The following TRPC6 variants were observed in gnomAD, a reference collection of about 807,000 sequenced individuals.
The protein encoded by TRPC6 is short transient receptor potential channel 6.
A neutral mutation model predicts 90.7 loss-of-function variants in TRPC6; 55 were observed. That is an observed-to-expected ratio of 0.61 (90% CI 0.49 to 0.76). The LOEUF is 0.76. TRPC6 is among the 30% of genes least tolerant of loss of function. The pLI is 0.00. For missense variants in TRPC6, 989 were observed against 1,122.7 expected, an observed-to-expected ratio of 0.88 and a Z score of 1.70; for synonymous variants, 393 against 393.0, an observed-to-expected ratio of 1.00 and a Z score of 0.00.
At chr11:101,517,310 A>C (rs1652303929) in intron 1 of TRPC6, among the ~76,000 whole-genome samples, 1 of 152,244 alleles carries the variant, frequency 6.6e-6, no homozygotes, top group Non-Finnish European at 1.5e-5. Context: ...AACATGAAAG[A>C]AAAGTTCTAT....
At chr11:101,482,887 G>T in intron 5 of TRPC6, 62 bp downstream of exon 5, 1 of 1,488,558 alleles carries the variant, frequency 6.7e-7, no homozygotes, top group Non-Finnish European at 9.4e-7. Context: ...GAAAGAATCA[G>T]TGTCATTCAG....
intron 1 of TRPC6, among the ~76,000 whole-genome samples, chr11:101,559,654 T>C (rs1861668509): frequency 6.6e-6 from 1 of 151,972 alleles, no homozygotes; most frequent in Non-Finnish European, 1.5e-5. Context: ...TTTATTATAC[T>C]TTAAGTTTTA....
intron 1 of TRPC6, among the ~76,000 whole-genome samples, chr11:101,538,360 G>A (rs2136813640): frequency 6.6e-6 from 1 of 152,162 alleles, no homozygotes. Flanking sequence ...CATAGTCCAG[G>A]GTAACTTTCT....
chr11:101,505,788 G>A (rs778051701), intron 1 of TRPC6, among the ~76,000 whole-genome samples: 3 of 152,118 alleles, frequency 2.0e-5, no homozygotes, highest in African/African-American at 7.2e-5. Context: ...GCCAAGGTGG[G>A]CGAATCACTT....
intron 1 of TRPC6, among the ~76,000 whole-genome samples, chr11:101,518,947 C>A (rs956208689): frequency 1.3e-5 from 2 of 152,114 alleles, no homozygotes; most frequent in African/African-American, 4.8e-5. Context: ...TACGGAAAGA[C>A]AAGCTTTGCA....
intron 1 of TRPC6, among the ~76,000 whole-genome samples, chr11:101,565,596 A>C (rs78898269): frequency 2.0e-5 from 3 of 152,196 alleles, no homozygotes; most frequent in Non-Finnish European, 4.4e-5. Context: ...TTCTCAAAAA[A>C]CAACTCTCTG....
At chr11:101,563,495 T>A (rs914670706) in intron 1 of TRPC6, among the ~76,000 whole-genome samples, 8 of 152,168 alleles carry the variant, frequency 5.3e-5, no homozygotes, top group Non-Finnish European at 1.0e-4. Context: ...TAGGAAAACA[T>A]TACAAAAAAT....
chr11:101,520,332 C>T (rs1420716518), intron 1 of TRPC6, among the ~76,000 whole-genome samples: 1 of 152,150 alleles, frequency 6.6e-6, no homozygotes, highest in Non-Finnish European at 1.5e-5. Flanking sequence ...CCTGAGGCCT[C>T]CTCAGCCGTG....
chr11:101,509,507 A>G (rs1257127786), intron 1 of TRPC6, among the ~76,000 whole-genome samples: 6 of 152,290 alleles, frequency 3.9e-5, no homozygotes, highest in East Asian at 1.9e-4. Flanking sequence ...CTAAGTTTAC[A>G]TTGAGCTAAA....
intron 2 of TRPC6, among the ~76,000 whole-genome samples, chr11:101,492,559 G>A (rs1859854435): frequency 6.7e-6 from 1 of 148,972 alleles, no homozygotes; most frequent in Admixed American, 6.7e-5. Context: ...CTCTAGCCTG[G>A]GCAACAAAGC....
Position 101,452,978 on chromosome 11 carries a change from T to A in TRPC6, c.2773A>T (p.Asn925Tyr), listed in dbSNP as rs1362537439. The A allele has an allele frequency of 6.2e-6, 10 of 1,613,804 alleles. No homozygotes were observed. The highest frequency in any genetic ancestry group is 8.5e-6 in the Non-Finnish European group (10 of 1,179,868). ...ELGEKLSMEP[N>Y]QEETNR ...CATTATCTATTGGTTTCCTCTTGAT[T>A]TGGTTCCATGGATAATTTCTCTCCA... The change falls in exon 13 of 13, where the codon AAT becomes TAT. Residue 925 changes from asparagine to tyrosine, a missense_variant. Physicochemically the swap from Asn to Tyr is moderately radical, Grantham distance 143. Transcript: ENST00000344327.
chr11:101,506,024 A>AAC (rs1428627389), intron 1 of TRPC6, among the ~76,000 whole-genome samples: 1 of 151,844 alleles, frequency 6.6e-6, no homozygotes, highest in Non-Finnish European at 1.5e-5. Flanking sequence ...AGAAAAAAAA[A>AAC]AAAAAAAAGG....
At chr11:101,485,126 T>TACACACACACAC (rs10639907) in intron 4 of TRPC6, among the ~76,000 whole-genome samples, 10,709 of 143,812 alleles carry the variant, frequency 0.074, 494 homozygotes, top group Middle Eastern at 0.14. Context: ...GGCCAAAGAA[T>TACACACACACAC]ACACACACAC....
Position 101,546,050 on chromosome 11 carries a change from C to CTTTTTTTTTTTTTTT in TRPC6, c.170+37269_170+37283dup, listed in dbSNP as rs1166182552. ...TGGATCTAGTATCACATTTATAACT[C>CTTTTTTTTTTTTTTT]TTTTTTTTTTTTTTTTTTTTTTTTT... On this transcript the variant is annotated intron_variant, in intron 1 of 12. Transcript: ENST00000344327. Among the ~76,000 whole-genome samples, 16 of 29,724 alleles carry CTTTTTTTTTTTTTTT rather than the reference C, an allele frequency of 5.4e-4. 6 individuals are homozygous for CTTTTTTTTTTTTTTT. The highest frequency in any genetic ancestry group is 6.9e-4 in the Non-Finnish European group (11 of 16,050). The allele number at this position is 29,724 out of a possible 152,430, so 19.5% of individuals were successfully genotyped here. A position where few individuals can be genotyped will look rare whatever the true frequency, so the allele number is the denominator to read the frequency against.
intron 1 of TRPC6, among the ~76,000 whole-genome samples, chr11:101,518,417 C>A (rs1396397554): frequency 1.3e-5 from 2 of 152,196 alleles, no homozygotes; most frequent in African/African-American, 4.8e-5. Context: ...AGAAGACATA[C>A]AAATTGCAAA....
intron 1 of TRPC6, among the ~76,000 whole-genome samples, chr11:101,559,122 G>A (rs1038007695): frequency 6.6e-6 from 1 of 151,820 alleles, no homozygotes; most frequent in African/African-American, 2.4e-5. Flanking sequence ...ATATATAAGG[G>A]GTTAATATCC....
intron 1 of TRPC6, among the ~76,000 whole-genome samples, chr11:101,519,504 G>A (rs1860603108): frequency 6.6e-6 from 1 of 151,900 alleles, no homozygotes; most frequent in Non-Finnish European, 1.5e-5. Flanking sequence ...ACCTAGTCAG[G>A]TGAGAACTTG....
At chr11:101,461,596 G>A (rs1336896095) in intron 10 of TRPC6, among the ~76,000 whole-genome samples, 4 of 152,056 alleles carry the variant, frequency 2.6e-5, no homozygotes, top group East Asian at 1.9e-4. Flanking sequence ...AAAATAAAAC[G>A]TTTTGAGTTG....
intron 1 of TRPC6, among the ~76,000 whole-genome samples, chr11:101,538,041 C>A (rs2136812991): frequency 6.6e-6 from 1 of 152,122 alleles, no homozygotes; most frequent in Admixed American, 6.5e-5. Context: ...ATCTCAATTA[C>A]CTTTATGTTG....
Sources: gnomAD v4.1 joint callset for allele counts (sites outside exome capture counted in the v4.1 genomes callset) on GRCh38, gnomAD v4.1.1 for gene constraint, MANE v1.5 for transcripts, NCBI Gene and HGNC (gene_info 2026-07-23, HGNC 2026-07-21) for gene names.